The following SNX18 variants were observed in gnomAD, a reference collection of about 807,000 sequenced individuals.
SNX18 encodes sorting nexin-18.
In SNX18, 35 loss-of-function variants were observed where a neutral mutation model predicts 48.7. The observed-to-expected ratio is 0.72, with a 90% CI of 0.55 to 0.95. The LOEUF is 0.95. Ranked by LOEUF, SNX18 falls within the 40% of genes least tolerant of loss-of-function variation. The pLI, the probability that SNX18 is intolerant of heterozygous loss-of-function variation, is 0.00. For synonymous variants in SNX18, 492 were observed against 384.7 expected, an observed-to-expected ratio of 1.28 and a Z score of -3.26; for missense variants, 824 against 871.0, an observed-to-expected ratio of 0.95 and a Z score of 0.68.
Position 54,541,617 on chromosome 5 carries a change from G to A in SNX18, c.1622-1562G>A, listed in dbSNP as rs116574197. Reference sequence around the variant, plus strand: ...TGGGTTAGGTGGAAGTGGTGTGGGTGGGGCATGTGTGCTCTGTGCACCTGC... The same window carrying A: ...TGGGTTAGGTGGAAGTGGTGTGGGTAGGGCATGTGTGCTCTGTGCACCTGC... On this transcript the variant is annotated intron_variant, in intron 1 of 1. Transcript: ENST00000381410. Among the ~76,000 whole-genome samples, 886 of 152,152 alleles carry A rather than the reference G, an allele frequency of 5.8e-3. 10 individuals are homozygous for A. The highest frequency in any genetic ancestry group is 0.02 in the African/African-American group (841 of 41,508).
At chr5:54,558,435 C>T in the SNX18 span, among the ~76,000 whole-genome samples, 1 of 152,116 alleles carries the variant, frequency 6.6e-6, no homozygotes, top group African/African-American at 2.4e-5. Flanking sequence ...ATATCTAAAT[C>T]ACAGTCACGT....
At chr5:54,607,657 GCA>G in the SNX18 span, among the ~76,000 whole-genome samples, 1 of 152,140 alleles carries the variant, frequency 6.6e-6, no homozygotes, top group Non-Finnish European at 1.5e-5. Context: ...TATGGGCCAG[GCA>G]CTGTGGCTCA....
At chr5:54,577,740 G>C in the SNX18 span, among the ~76,000 whole-genome samples, 1 of 152,202 alleles carries the variant, frequency 6.6e-6, no homozygotes, top group African/African-American at 2.4e-5. Flanking sequence ...TGCAAACAGA[G>C]AGTGGCTGAA....
downstream of SNX18, among the ~76,000 whole-genome samples, chr5:54,549,389 C>T (rs960446923): frequency 6.6e-6 from 1 of 152,210 alleles, no homozygotes; most frequent in Non-Finnish European, 1.5e-5. Context: ...ACTTTGCCCA[C>T]CTGGGTCACA....
chr5:54,629,572 G>T, the SNX18 span, among the ~76,000 whole-genome samples: 1 of 152,202 alleles, frequency 6.6e-6, no homozygotes, highest in East Asian at 1.9e-4. Context: ...GGCAGGTCAA[G>T]TCTACTATGG....
the SNX18 span, among the ~76,000 whole-genome samples, chr5:54,626,994 A>G: frequency 1.1e-4 from 16 of 152,320 alleles, no homozygotes; most frequent in South Asian, 3.1e-3. Context: ...TGGGTTCTTA[A>G]CGTTTTTCAA....
the SNX18 span, among the ~76,000 whole-genome samples, chr5:54,612,254 A>G: frequency 1.4e-5 from 1 of 71,842 alleles, no homozygotes; most frequent in Non-Finnish European, 2.5e-5. Flanking sequence ...GAGGGTGGGA[A>G]TTTTTTTTTA....
At chr5:54,574,413 A>T in the SNX18 span, among the ~76,000 whole-genome samples, 1 of 152,122 alleles carries the variant, frequency 6.6e-6, no homozygotes, top group African/African-American at 2.4e-5. Flanking sequence ...GTTGGCAAAG[A>T]CCCCAGCTCC....
the SNX18 span, among the ~76,000 whole-genome samples, chr5:54,577,544 C>T: frequency 8.6e-5 from 13 of 152,044 alleles, no homozygotes; most frequent in Non-Finnish European, 1.8e-4. Flanking sequence ...AGAGAGTTTA[C>T]GCAACTTGCC....
At chr5:54,623,150 C>CT in the SNX18 span, among the ~76,000 whole-genome samples, 14 of 152,104 alleles carry the variant, frequency 9.2e-5, no homozygotes, top group Admixed American at 2.6e-4. Flanking sequence ...TGGAGGGTGT[C>CT]TAAGTTTGAG....
chr5:54,582,176 AT>A, the SNX18 span, among the ~76,000 whole-genome samples: 21 of 152,340 alleles, frequency 1.4e-4, 1 homozygote, highest in African/African-American at 5.1e-4. Context: ...GATTCTGGTC[AT>A]TTTGTTAGAA....
At chr5:54,639,805 A>G in the SNX18 span, among the ~76,000 whole-genome samples, 1 of 142,548 alleles carries the variant, frequency 7.0e-6, no homozygotes, top group African/African-American at 2.7e-5. Context: ...GATTTTCTGA[A>G]GGGGCCTCCT....
Position 54,518,077 on chromosome 5 carries a change from T to C in SNX18, c.125T>C (p.Val42Ala). Reference sequence around the variant, plus strand: ...GACATCGAGGGCTGGCTCGAGGGGGTCAACAGCCGCGGCGACCGCGGCCTC... The same window carrying C: ...GACATCGAGGGCTGGCTCGAGGGGGCCAACAGCCGCGGCGACCGCGGCCTC... ...EQDIEGWLEG[V>A]NSRGDRGLFP... Residue 42 changes from valine to alanine, a missense_variant, in exon 1 of 2, where the codon GTC (valine) becomes GCC (alanine). This residue lies in a region of SNX18 where 377 missense variants were observed against 350.6 expected (regional missense o/e 1.08). Transcript: ENST00000381410. The C allele has an allele frequency of 6.5e-7, 1 of 1,536,738 alleles. No individual in the cohort carries two copies. The highest frequency in any genetic ancestry group is 1.2e-5 in the South Asian group (1 of 83,204).
intron 1 of SNX18, among the ~76,000 whole-genome samples, chr5:54,531,789 C>T (rs1285503740): frequency 1.3e-5 from 2 of 152,120 alleles, no homozygotes; most frequent in African/African-American, 2.4e-5. Context: ...TCTCCACAGC[C>T]TCGTGATCGT....
At chr5:54,553,089 TGAG>T in the SNX18 span, among the ~76,000 whole-genome samples, 1 of 151,336 alleles carries the variant, frequency 6.6e-6, no homozygotes, top group African/African-American at 2.4e-5. Flanking sequence ...TGCAGACTGG[TGAG>T]GAGGAGATGC....
the SNX18 span, among the ~76,000 whole-genome samples, chr5:54,564,369 T>C: frequency 6.6e-6 from 1 of 152,244 alleles, no homozygotes; most frequent in Non-Finnish European, 1.5e-5. Flanking sequence ...ATTTTCTATT[T>C]CCTTATAATT....
chr5:54,530,220 A>G (rs992564608), intron 1 of SNX18, among the ~76,000 whole-genome samples: 1 of 152,186 alleles, frequency 6.6e-6, no homozygotes, highest in Admixed American at 6.5e-5. Flanking sequence ...GAATGACCTT[A>G]CCTTAACTAA....
downstream of SNX18, among the ~76,000 whole-genome samples, chr5:54,546,888 G>T (rs531315518): frequency 7.2e-5 from 11 of 152,194 alleles, no homozygotes; most frequent in Non-Finnish European, 4.4e-5. Context: ...ACAGAAGCAG[G>T]TGCTTAAGTA....
the SNX18 span, among the ~76,000 whole-genome samples, chr5:54,634,717 A>G: frequency 6.6e-6 from 1 of 152,062 alleles, no homozygotes; most frequent in South Asian, 2.1e-4. Flanking sequence ...CCCTGCAAAT[A>G]TGATGTTGAA....
Sources: gnomAD v4.1 joint callset for allele counts (sites outside exome capture counted in the v4.1 genomes callset) on GRCh38, gnomAD v4.1.1 for gene constraint, gnomAD v4.1.1 regional missense constraint, MANE v1.5 for transcripts, NCBI Gene and HGNC (gene_info 2026-07-23, HGNC 2026-07-21) for gene names.